POGZ: variants seen among roughly 807,000 people sequenced by gnomAD.
POGZ encodes pogo transposable element with ZNF domain.
Under a neutral mutation model 134.6 loss-of-function variants are expected in POGZ, and 17 were observed. That is an observed-to-expected ratio of 0.13 (90% CI 0.09 to 0.19). The LOEUF (loss-of-function observed/expected upper bound fraction) is 0.19, where lower values mean the gene tolerates loss of function less well. POGZ is among the 10% of genes least tolerant of loss of function. The probability of loss-of-function intolerance (pLI) is 1.00; values close to 1 mark genes in which losing one functional copy is unlikely to be tolerated. For synonymous variants in POGZ, 693 were observed against 657.1 expected, an observed-to-expected ratio of 1.05 and a Z score of -0.84; for missense variants, 1,306 against 1,769.7, an observed-to-expected ratio of 0.74 and a Z score of 4.70.
intron 3 of POGZ, among the ~76,000 whole-genome samples, chr1:151,440,688 T>G (rs553551323): frequency 2.6e-5 from 4 of 152,334 alleles, no homozygotes; most frequent in African/African-American, 9.6e-5. Context: ...CAAGAAATTA[T>G]CAATAGCAAG....
At chr1:151,409,385 CTTTTT>C (rs910742172) in intron 12 of POGZ, among the ~76,000 whole-genome samples, 1 of 101,134 alleles carries the variant, frequency 9.9e-6, no homozygotes, top group African/African-American at 2.7e-5. Flanking sequence ...GCCTCGCCCC[CTTTTT>C]TTGAGACAGG....
chr1:151,443,249 T>C (rs190969313), intron 1 of POGZ, among the ~76,000 whole-genome samples: 22 of 152,338 alleles, frequency 1.4e-4, no homozygotes, highest in African/African-American at 5.1e-4. Context: ...CCTTTAAATT[T>C]TGCATCTAAG....
intron 1 of POGZ, among the ~76,000 whole-genome samples, chr1:151,449,057 G>A (rs1032465324): frequency 1.3e-5 from 2 of 152,162 alleles, no homozygotes; most frequent in African/African-American, 4.8e-5. Context: ...ACAGCAGAAA[G>A]CCTACACCTT....
chr1:151,451,886 C>G (rs1259057949), intron 1 of POGZ, among the ~76,000 whole-genome samples: 2 of 151,402 alleles, frequency 1.3e-5, no homozygotes, highest in African/African-American at 2.4e-5. Context: ...CACCTCAGAT[C>G]AGGAGTTCGA....
At chr1:151,406,564 C>T (rs1465409208) in intron 18 of POGZ, 43 bp downstream of exon 18, 2 of 1,596,986 alleles carry the variant, frequency 1.3e-6, no homozygotes, top group South Asian at 2.2e-5. Context: ...AGAGTAAACA[C>T]ACTGCAAACC....
At position 151,406,003 on chromosome 1, in the gene POGZ, T is replaced by C. The variant is rs1653518393; in HGVS notation, c.3032A>G (p.Gln1011Arg). Reference protein sequence around the residue: ...RRIRRWLRRFQASQGENLEGK... With the variant: ...RRIRRWLRRFRASQGENLEGK... Reference sequence around the variant, plus strand: ...CTCTAGATTCTCCCCCTGGGAGGCCTGGAAACGTCGAAGCCAACGGCGAAT... The same window carrying C: ...CTCTAGATTCTCCCCCTGGGAGGCCCGGAAACGTCGAAGCCAACGGCGAAT... The change falls in exon 19 of 19, where the codon CAG becomes CGG. Residue 1011 changes from glutamine (Q) to arginine (R), a missense_variant. Physicochemically the swap from Gln to Arg is conservative, Grantham distance 43. This residue lies in a region of POGZ where 214 missense variants were observed against 255.5 expected (regional missense o/e 0.84). Coordinates refer to ENST00000271715, the MANE Select transcript of POGZ (RefSeq NM_015100.4). 6.2e-6 allele frequency: 10 copies of C among 1,614,226 alleles called. No individual in the cohort carries two copies. The highest frequency in any genetic ancestry group is 8.5e-6 in the Non-Finnish European group (10 of 1,180,034).
At chr1:151,436,765 G>T (rs1409872312) in intron 3 of POGZ, among the ~76,000 whole-genome samples, 1 of 152,150 alleles carries the variant, frequency 6.6e-6, no homozygotes, top group Admixed American at 6.5e-5. Flanking sequence ...GACACAGGTT[G>T]TTTTTACTTT....
rs376526247 is a variant in POGZ at position 151,408,756 on chromosome 1, G to A, written c.1999C>T (p.Leu667Phe). 1 of 1,613,890 alleles carries A rather than the reference G, an allele frequency of 6.2e-7. No individual in the cohort carries two copies. Among genetic ancestry groups the A allele is most frequent in the Non-Finnish European group, 8.5e-7 (1 of 1,179,842 alleles). The change falls in exon 13 of 19, where the codon CTT (leucine) becomes TTT (phenylalanine). Residue 667 changes from leucine to phenylalanine, a missense_variant. By Grantham distance (22) the Leu-to-Phe change is conservative. Transcript: ENST00000271715. ...TTACGGAAGGTTTTATGGTGTTGAAGCTTGTGTTCAATTTTGTCCTTGGCA... is the reference window on the plus strand; with the variant it reads ...TTACGGAAGGTTTTATGGTGTTGAAACTTGTGTTCAATTTTGTCCTTGGCA... ...LFAKDKIEHK[L>F]QHHKTFRKPK...
At chr1:151,436,248 G>A (rs1490425200) in intron 3 of POGZ, among the ~76,000 whole-genome samples, 3 of 152,034 alleles carry the variant, frequency 2.0e-5, no homozygotes, top group East Asian at 1.9e-4. Context: ...GTGAGCCACC[G>A]CGCCTGGCCT....
intron 1 of POGZ, among the ~76,000 whole-genome samples, chr1:151,457,207 G>GA (rs1662881428): frequency 6.6e-6 from 1 of 152,142 alleles, no homozygotes; most frequent in Admixed American, 6.6e-5. Flanking sequence ...AGTCCATTCT[G>GA]TTACCTCCTT....
intron 1 of POGZ, among the ~76,000 whole-genome samples, chr1:151,445,623 T>C (rs1259291897): frequency 2.7e-5 from 4 of 150,648 alleles, no homozygotes; most frequent in South Asian, 2.1e-4. Context: ...TTAAACAACA[T>C]AGAAGATGGA....
intron 3 of POGZ, among the ~76,000 whole-genome samples, chr1:151,439,664 G>A (rs1221166670): frequency 6.6e-6 from 1 of 152,260 alleles, no homozygotes. Context: ...CAACAATGGG[G>A]AATGCACATA....
intron 1 of POGZ, among the ~76,000 whole-genome samples, chr1:151,447,342 A>G (rs1409314604): frequency 6.6e-6 from 1 of 151,774 alleles, no homozygotes; most frequent in Non-Finnish European, 1.5e-5. Flanking sequence ...ACTGCACTCC[A>G]GCTTGGACAA....
intron 10 of POGZ, 49 bp downstream of exon 10, chr1:151,423,348 G>A: frequency 6.6e-7 from 1 of 1,505,710 alleles, no homozygotes; most frequent in Non-Finnish European, 9.2e-7. Context: ...CATTCAATGA[G>A]TGAACAGCAA....
chr1:151,430,918 ATTT>A, intron 3 of POGZ, 77 bp from the exon 4 acceptor site: 2 of 367,108 alleles, frequency 5.4e-6, no homozygotes, highest in Non-Finnish European at 8.3e-6. Context: ...ATTTTATTTT[ATTT>A]TATTTTATTT....
intron 1 of POGZ, among the ~76,000 whole-genome samples, chr1:151,449,943 C>T (rs980285419): frequency 3.5e-4 from 52 of 149,850 alleles, no homozygotes; most frequent in African/African-American, 1.3e-3. Flanking sequence ...ATGGTTATAT[C>T]TTGTATGTTA....
intron 3 of POGZ, among the ~76,000 whole-genome samples, chr1:151,440,460 A>C (rs1660351084): frequency 6.6e-6 from 1 of 152,118 alleles, no homozygotes; most frequent in South Asian, 2.1e-4. Context: ...TACACTAAAA[A>C]CACTAGTCTT....
intron 2 of POGZ, among the ~76,000 whole-genome samples, chr1:151,441,750 G>A (rs1660566169): frequency 6.6e-6 from 1 of 151,928 alleles, no homozygotes; most frequent in Admixed American, 6.6e-5. Flanking sequence ...TTTTTGACTG[G>A]GTACATAAAT....
chr1:151,441,015 A>G lies in POGZ; in HGVS notation c.196T>C (p.Ser66Pro). Residue 66 changes from serine (S) to proline (P), a missense_variant, in exon 3 of 19, where the codon TCT (serine) becomes CCT (proline). Transcript: ENST00000271715. ...AAHASVAGHL[S>P]TSTTVSSSGA... ...CTGCTACTAACGGTGGTGGATGTAG[A>G]GAGGTGCCCAGCAACAGAAGCATGG... 1.2e-6 allele frequency: 2 copies of G among 1,614,002 alleles called. No homozygotes were observed. The highest frequency in any genetic ancestry group is 1.7e-6 in the Non-Finnish European group (2 of 1,179,902).
Sources: allele counts gnomAD v4.1 joint callset (sites outside exome capture counted in the v4.1 genomes callset), GRCh38; gene constraint gnomAD v4.1.1; regional missense constraint gnomAD v4.1.1; transcripts MANE v1.5; gene names NCBI Gene and HGNC (gene_info 2026-07-23, HGNC 2026-07-21).